ZNF750: variants seen among roughly 807,000 people sequenced by gnomAD.
ZNF750 encodes zinc finger protein 750.
In ZNF750, 10 loss-of-function variants were observed where a neutral mutation model predicts 31.6. The ratio of observed to expected loss-of-function variants is 0.32; its 90% CI spans 0.19 to 0.54. The LOEUF (loss-of-function observed/expected upper bound fraction) is 0.54, where lower values mean the gene tolerates loss of function less well. Ranked by LOEUF, ZNF750 falls within the 20% of genes least tolerant of loss-of-function variation. The probability of loss-of-function intolerance (pLI) is 0.95; values close to 1 mark genes in which losing one functional copy is unlikely to be tolerated. For synonymous variants in ZNF750, 400 were observed against 404.9 expected (o/e 0.99, Z 0.15); for missense variants, 914 against 934.9 (o/e 0.98, Z 0.29).
At position 82,830,694 on chromosome 17, in the gene ZNF750, G is replaced by A. The variant is rs776087579; in HGVS notation, c.1620C>T (p.Thr540=). ...PTYQGSPQAE[T]ASFSELQDLP... The stretch of plus-strand genomic sequence containing the variant: ...GGTCCTGCAGCTCTGAGAAGCTGGC[G>A]GTTTCCGCCTGGGGGCTGCCTTGGT... Residue 540 remains threonine (T), a synonymous_variant, in exon 3 of 3, where the codon ACC becomes ACT. Coordinates refer to ENST00000269394, the MANE Select transcript of ZNF750 (RefSeq NM_024702.3). 1.2e-6 allele frequency: 2 copies of A among 1,614,164 alleles called. No homozygotes were observed. Among genetic ancestry groups the A allele is most frequent in the Non-Finnish European group, 1.7e-6 (2 of 1,180,030 alleles).
At position 82,831,147 on chromosome 17, in the gene ZNF750, CTTG is replaced by C; in HGVS notation, c.1305_1307del (p.Asn435del). The C allele has an allele frequency of 6.2e-7, 1 of 1,614,124 alleles. No individual in the cohort carries two copies. Among genetic ancestry groups the C allele is most frequent in the Admixed American group, 1.7e-5 (1 of 60,012 alleles). Reference sequence around the variant, plus strand: ...GTCTTCCCAGTGCGCTGGAGGCTGCCTTGTTGGAGAGGTCGTACAGGCCTTCGC... The same window carrying C: ...GTCTTCCCAGTGCGCTGGAGGCTGCCTTGGAGAGGTCGTACAGGCCTTCGC... On this transcript the variant is annotated inframe_deletion, in exon 2 of 3. Transcript: ENST00000269394. This position sits in a 1 kb window ranked among gnomAD's most constrained non-coding sequence, Gnocchi z 4.6.
chr17:82,839,563 C>T (rs969664711), intron 1 of ZNF750, among the ~76,000 whole-genome samples: 1 of 152,178 alleles, frequency 6.6e-6, no homozygotes, highest in Non-Finnish European at 1.5e-5. Context: ...ATACACCACA[C>T]ATATATATAT....
In ZNF750 at chr17:82,833,987, C is replaced by T. The variant is rs1330441290; in HGVS notation, c.-182-1351G>A. ...GAGACAGAGTTTCTCCCTTGTTGCC[C>T]AGTCTGGAGTGCCATGGCGCAATCT... On this transcript the variant is annotated intron_variant, in intron 1 of 2. Transcript: ENST00000269394. This position sits in a 1 kb window ranked among gnomAD's most constrained non-coding sequence, Gnocchi z 4.7. Among the ~76,000 whole-genome samples the T allele has an allele frequency of 6.6e-6, 1 of 152,092 alleles. No homozygotes were observed. Among genetic ancestry groups the T allele is most frequent in the Non-Finnish European group, 1.5e-5 (1 of 67,996 alleles).
Position 82,832,094 on chromosome 17 carries a change from C to T in ZNF750, c.361G>A (p.Gly121Arg), listed in dbSNP as rs746747831. 3.1e-5 allele frequency: 50 copies of T among 1,614,078 alleles called. No individual in the cohort carries two copies. Among genetic ancestry groups the T allele is most frequent in the Middle Eastern group, 1.6e-4 (1 of 6,084 alleles). ...IKENLELQAR[G>R]THRCLGQKPA... ...TTCTGTCCCAGGCACCTGTGGGTTC[C>T]CCGGGCTTGCAGCTCCAGGTTTTCC... Residue 121 changes from glycine (G) to arginine (R), a missense_variant, in exon 2 of 3, where the codon GGA becomes AGA. This residue lies in a region of ZNF750 where 880 missense variants were observed against 868.9 expected (regional missense o/e 1.01). Coordinates refer to ENST00000269394, the MANE Select transcript of ZNF750 (RefSeq NM_024702.3). The surrounding 1 kb of genome is among the most constrained non-coding windows in gnomAD (Gnocchi z 4.9).
rs1444495209 is a variant in ZNF750 at position 82,833,812 on chromosome 17, C to T, written c.-182-1176G>A. Among the ~76,000 whole-genome samples the T allele has an allele frequency of 2.0e-5, 3 of 152,118 alleles. No individual in the cohort carries two copies. The highest frequency in any genetic ancestry group is 2.9e-5 in the Non-Finnish European group (2 of 68,034). On this transcript the variant is annotated intron_variant, in intron 1 of 2. Transcript: ENST00000269394. This position sits in a 1 kb window ranked among gnomAD's most constrained non-coding sequence, Gnocchi z 4.7. ...GCCACACCCACTCAGGTCCTGGGAC[C>T]CACCAGAGGCTGTGTGTGTGATGTC...
At position 82,831,934 on chromosome 17, in the gene ZNF750, T is replaced by A; in HGVS notation, c.521A>T (p.Asp174Val). 1 of 1,614,184 alleles carries A rather than the reference T, an allele frequency of 6.2e-7. No individual in the cohort carries two copies. The highest frequency in any genetic ancestry group is 8.5e-7 in the Non-Finnish European group (1 of 1,180,028). The change falls in exon 2 of 3, where the codon GAC becomes GTC. Residue 174 changes from aspartate to valine, a missense_variant. By Grantham distance (152) the Asp-to-Val change is radical (BLOSUM62 -3). Coordinates refer to ENST00000269394, the MANE Select transcript of ZNF750 (RefSeq NM_024702.3). This position sits in a 1 kb window ranked among gnomAD's most constrained non-coding sequence, Gnocchi z 4.6. ...CAGTGTCTCGGGCGCCTCGGCGTTG[T>A]CTGGCCCCTTGAGTCTGTGCTCGCC... is the stretch of plus-strand genomic sequence containing the variant. ...PVGEHRLKGP[D>V]NAEAPETLAL...
rs893354308 is a variant in ZNF750 at position 82,836,263 on chromosome 17, C to T, written c.-182-3627G>A. 4.6e-5 allele frequency among the ~76,000 whole-genome samples: 7 copies of T among 152,238 alleles called. No individual in the cohort carries two copies. In the East Asian group the frequency reaches 5.8e-4, roughly 13 times the overall value. On this transcript the variant is annotated intron_variant, in intron 1 of 2. Coordinates refer to ENST00000269394, the MANE Select transcript of ZNF750 (RefSeq NM_024702.3). ...CCAGCTCAGTCAGTGGGGCCTGTGCCGGCATGCCTCGCCGCGCTCCCTGGT... is the reference window on the plus strand; with the variant it reads ...CCAGCTCAGTCAGTGGGGCCTGTGCTGGCATGCCTCGCCGCGCTCCCTGGT...
chr17:82,834,761 A>G (rs988173575), intron 1 of ZNF750, among the ~76,000 whole-genome samples: 2 of 152,118 alleles, frequency 1.3e-5, no homozygotes, highest in Admixed American at 6.5e-5. Flanking sequence ...ACAAATAGCT[A>G]ATGCATGCAG....
chr17:82,831,428 G>C lies in ZNF750; in HGVS notation c.1027C>G (p.Arg343Gly). The change falls in exon 2 of 3, where the codon CGA becomes GGA. Residue 343 changes from arginine (R) to glycine (G), a missense_variant. Coordinates refer to ENST00000269394, the MANE Select transcript of ZNF750 (RefSeq NM_024702.3). The surrounding 1 kb of genome is among the most constrained non-coding windows in gnomAD (Gnocchi z 4.6). ...LRLPPVTGLTRDQSSHLLEEA... is the reference protein window; with the variant it reads ...LRLPPVTGLTGDQSSHLLEEA... ...TCAAGCAGGTGAGAGCTCTGATCTC[G>C]GGTGAGGCCAGTGACAGGTGGGAGT... 1 of 1,614,166 alleles carries C rather than the reference G, an allele frequency of 6.2e-7. No homozygotes were observed. The highest frequency in any genetic ancestry group is 8.5e-7 in the Non-Finnish European group (1 of 1,180,030).
chr17:82,837,430 G>T (rs1688588233), intron 1 of ZNF750, among the ~76,000 whole-genome samples: 1 of 152,208 alleles, frequency 6.6e-6, no homozygotes, highest in African/African-American at 2.4e-5. Context: ...CAGTAATTTG[G>T]ATTTGTATTT....
In ZNF750 at chr17:82,838,277, T is replaced by C. The variant is rs544557188; in HGVS notation, c.-183+1650A>G. ...TTAGGGTAATAGTGAGAAGTTGGGATGCTTAACAAGCTTCTAAGGAGTTTG... is the reference window on the plus strand; with the variant it reads ...TTAGGGTAATAGTGAGAAGTTGGGACGCTTAACAAGCTTCTAAGGAGTTTG... On this transcript the variant is annotated intron_variant, in intron 1 of 2. Transcript: ENST00000269394. Among the ~76,000 whole-genome samples the C allele has an allele frequency of 1.3e-4, 20 of 152,212 alleles. No individual in the cohort carries two copies. The East Asian group carries it at 3.9e-3, about 29-fold the overall frequency.
chr17:82,837,503 GGT>G (rs2054090489), intron 1 of ZNF750, among the ~76,000 whole-genome samples: 1 of 152,202 alleles, frequency 6.6e-6, no homozygotes, highest in Admixed American at 6.5e-5. Flanking sequence ...TCCTGGGGGA[GGT>G]GTGTTTCCAT....
intron 1 of ZNF750, among the ~76,000 whole-genome samples, chr17:82,836,922 GGGAGGAAGCCCCT>G (rs902591769): frequency 1.1e-4 from 16 of 152,196 alleles, no homozygotes; most frequent in Non-Finnish European, 2.1e-4. Flanking sequence ...GGGTGTGGCA[GGGAGGAAGCCCCT>G]GGTGGTGAGA....
In ZNF750 at chr17:82,830,813, C is replaced by CG; in HGVS notation, c.1500dup (p.Ala501ArgfsTer60). On this transcript the variant is annotated frameshift_variant, in exon 3 of 3. Transcript: ENST00000269394. LOFTEE classifies it low-confidence loss of function (END_TRUNC). Reference sequence around the variant, plus strand: ...GAGCTGTCGTCCGGACTGGAAGGCGCGGCCTCCGAGACGAGAGAGGCGCTT... The same window carrying CG: ...GAGCTGTCGTCCGGACTGGAAGGCGCGGGCCTCCGAGACGAGAGAGGCGCTT... The CG allele has an allele frequency of 1.2e-6, 2 of 1,613,386 alleles. No homozygotes were observed. Among genetic ancestry groups the CG allele is most frequent in the Non-Finnish European group, 1.7e-6 (2 of 1,180,026 alleles).
rs2053683275 is a variant in ZNF750 at position 82,833,359 on chromosome 17, A to C, written c.-182-723T>G. On this transcript the variant is annotated intron_variant, in intron 1 of 2. Transcript: ENST00000269394. This position sits in a 1 kb window ranked among gnomAD's most constrained non-coding sequence, Gnocchi z 4.7. Reference sequence around the variant, plus strand: ...ACTCGTGGCAGTTTCTGCCCACTTTAGCCACGTCGTTGGTGTATTCTAGTG... The same window carrying C: ...ACTCGTGGCAGTTTCTGCCCACTTTCGCCACGTCGTTGGTGTATTCTAGTG... Among the ~76,000 whole-genome samples the C allele has an allele frequency of 6.6e-6, 1 of 152,136 alleles. No homozygotes were observed. Among genetic ancestry groups the C allele is most frequent in the Non-Finnish European group, 1.5e-5 (1 of 68,028 alleles).
rs1452443743 is a variant in ZNF750, at chr17:82,829,781, A to G, written c.*361T>C. On this transcript the variant is annotated 3_prime_UTR_variant, in exon 3 of 3. Transcript: ENST00000269394. ...TTTTCAGTAATTGTCATTTACATCA[A>G]ATATGCAGCTAGAGCTAATAGAAAA... 4.5e-6 allele frequency: 1 copy of G among 223,366 alleles called. No individual in the cohort carries two copies. Among genetic ancestry groups the G allele is most frequent in the East Asian group, 9.9e-5 (1 of 10,082 alleles). 13.8% of individuals were successfully genotyped at this position (223,366 alleles called of 1,614,324 possible).
intron 1 of ZNF750, among the ~76,000 whole-genome samples, chr17:82,837,376 T>C (rs536837544): frequency 7.2e-5 from 11 of 152,068 alleles, no homozygotes; most frequent in African/African-American, 2.4e-4. Flanking sequence ...CCCAAAAGAG[T>C]ATGTTGTTGC....
chr17:82,829,625 C>T lies in ZNF750; in HGVS notation c.*517G>A, dbSNP rs2053292966. The T allele has an allele frequency of 6.1e-6, 1 of 162,916 alleles. No homozygotes were observed. Among genetic ancestry groups the T allele is most frequent in the South Asian group, 1.6e-4 (1 of 6,272 alleles). 10.1% of individuals were successfully genotyped at this position (162,916 alleles called of 1,614,324 possible). On this transcript the variant is annotated 3_prime_UTR_variant, in exon 3 of 3. Coordinates refer to ENST00000269394, the MANE Select transcript of ZNF750 (RefSeq NM_024702.3). The stretch of plus-strand genomic sequence containing the variant: ...AATACCTTCACCAGTAATGCACTTT[C>T]CCTAGTGGAAATAAATTATTTGTAT...
chr17:82,836,334 T>C (rs1328515794), intron 1 of ZNF750, among the ~76,000 whole-genome samples: 1 of 152,188 alleles, frequency 6.6e-6, no homozygotes, highest in Non-Finnish European at 1.5e-5. Context: ...CATGATTGTA[T>C]AGGATGTGTT....
Sources: gnomAD v4.1 joint callset for allele counts (sites outside exome capture counted in the v4.1 genomes callset) on GRCh38, gnomAD v4.1.1 for gene constraint, gnomAD v4.1.1 regional missense constraint, Gnocchi (gnomAD v3.1) non-coding constraint, MANE v1.5 for transcripts, NCBI Gene and HGNC (gene_info 2026-07-23, HGNC 2026-07-21) for gene names.